The following PTPRN2 variants were observed in gnomAD, a reference collection of about 807,000 sequenced individuals.
The protein encoded by PTPRN2 is protein tyrosine phosphatase receptor type N2.
PTPRN2 carries 74 observed loss-of-function variants against 118.8 expected under a neutral mutation model. That is an observed-to-expected ratio of 0.62 (90% CI 0.52 to 0.76). PTPRN2 has a LOEUF of 0.76. Among genes scored for constraint, PTPRN2 ranks in the 30% least tolerant of loss-of-function variants. The pLI is 0.00. For missense variants in PTPRN2, 1,481 were observed against 1,394.4 expected (o/e 1.06, Z -0.99); for synonymous variants, 641 against 608.0 (o/e 1.05, Z -0.80).
intron 1 of PTPRN2, among the ~76,000 whole-genome samples, chr7:158,561,364 G>C (rs1827374832): frequency 2.6e-5 from 4 of 152,170 alleles, no homozygotes; most frequent in Admixed American, 6.5e-5. Flanking sequence ...CTCTTCGGGG[G>C]TGTGGGGCTC....
intron 2 of PTPRN2, among the ~76,000 whole-genome samples, chr7:158,484,587 T>C (rs1264809497): frequency 1.3e-5 from 2 of 152,202 alleles, no homozygotes; most frequent in African/African-American, 4.8e-5. Context: ...GGCCGTGAAC[T>C]CCTGATCTCA....
chr7:157,884,724 T>C, intron 12 of PTPRN2, among the ~76,000 whole-genome samples: 1 of 152,110 alleles, frequency 6.6e-6, no homozygotes, highest in East Asian at 1.9e-4. Flanking sequence ...AACCATCAGA[T>C]CTCATGAGAC....
rs1022191171 is a variant in PTPRN2, at chr7:157,908,522, G to A, written c.1724-9785C>T. Reference sequence around the variant, plus strand: ...TGCCCACTCTTGCGTTTCTTTGCACGTCGGCTCACAGCTCTAGAAGTACTC... The same window carrying A: ...TGCCCACTCTTGCGTTTCTTTGCACATCGGCTCACAGCTCTAGAAGTACTC... On this transcript the variant is annotated intron_variant, in intron 11 of 22. Coordinates refer to ENST00000389418, the MANE Select transcript of PTPRN2 (RefSeq NM_002847.5). Among the ~76,000 whole-genome samples, 5 of 152,166 alleles carry A rather than the reference G, an allele frequency of 3.3e-5. No homozygotes were observed. The East Asian group carries it at 5.8e-4, about 18-fold the overall frequency.
At chr7:158,132,374 TAC>T (rs1485979446) in intron 9 of PTPRN2, among the ~76,000 whole-genome samples, 1 of 149,692 alleles carries the variant, frequency 6.7e-6, no homozygotes, top group African/African-American at 2.5e-5. Context: ...CATACACTCA[TAC>T]ACACACATGC....
intron 3 of PTPRN2, among the ~76,000 whole-genome samples, chr7:158,226,427 G>C (rs975412397): frequency 4.6e-5 from 7 of 152,206 alleles, no homozygotes; most frequent in Non-Finnish European, 1.0e-4. Flanking sequence ...AGGTTTGTGG[G>C]TGGGGACGAC....
chr7:158,136,995 A>C (rs76053113), intron 7 of PTPRN2, among the ~76,000 whole-genome samples: 1 of 151,818 alleles, frequency 6.6e-6, no homozygotes, highest in African/African-American at 2.4e-5. Flanking sequence ...GCAAAAAAAA[A>C]CCCCATCGTA....
intron 14 of PTPRN2, among the ~76,000 whole-genome samples, chr7:157,650,266 AG>A (rs1238199449): frequency 1.3e-5 from 2 of 152,142 alleles, no homozygotes; most frequent in Non-Finnish European, 1.5e-5. Flanking sequence ...CATCCCCCGC[AG>A]GGGCTCCCCA....
At chr7:158,054,779 AT>A (rs1317590430) in intron 11 of PTPRN2, among the ~76,000 whole-genome samples, 1 of 152,162 alleles carries the variant, frequency 6.6e-6, no homozygotes, top group East Asian at 1.9e-4. Flanking sequence ...GCCTTCCATG[AT>A]TGCAGCTGAT....
chr7:157,716,694 T>C (rs558916454), intron 12 of PTPRN2, among the ~76,000 whole-genome samples: 83 of 23,634 alleles, frequency 3.5e-3, no homozygotes, highest in East Asian at 7.9e-3. Context: ...CACTGCCTGG[T>C]CACACAGACT....
intron 3 of PTPRN2, among the ~76,000 whole-genome samples, chr7:158,233,015 G>A (rs956269385): frequency 6.6e-6 from 1 of 152,100 alleles, no homozygotes; most frequent in Non-Finnish European, 1.5e-5. Context: ...AACATTTGGA[G>A]CAAGACAAGG....
rs1001183172 is a variant in PTPRN2 at position 158,561,322 on chromosome 7, T to G, written c.112+26236A>C. Among the ~76,000 whole-genome samples, 6 of 152,116 alleles carry G rather than the reference T, an allele frequency of 3.9e-5. No homozygotes were observed. The East Asian group carries it at 1.2e-3, about 29-fold the overall frequency. On this transcript the variant is annotated intron_variant, in intron 1 of 22. Coordinates refer to ENST00000389418, the MANE Select transcript of PTPRN2 (RefSeq NM_002847.5). ...TAGAAGTCTCCCCAGGTCTAAGAGA[T>G]AAACCCCTGCCTGAGAAAATCCCCC...
intron 11 of PTPRN2, among the ~76,000 whole-genome samples, chr7:158,011,414 C>T (rs2128868923): frequency 6.6e-6 from 1 of 152,214 alleles, no homozygotes; most frequent in Admixed American, 6.5e-5. Flanking sequence ...AAAAGATGCA[C>T]AGGTGTTTGA....
rs1012622741 is a variant in PTPRN2, at chr7:157,868,592, G to A, written c.1788+30081C>T. 1 of 152,178 alleles carries A rather than the reference G, an allele frequency of 6.6e-6. No individual in the cohort carries two copies. Among genetic ancestry groups the A allele is most frequent in the African/African-American group, 2.4e-5 (1 of 41,436 alleles). 9.4% of individuals were successfully genotyped at this position (152,178 alleles called of 1,614,324 possible). A position where few individuals can be genotyped will look rare whatever the true frequency, so the allele number is the denominator to read the frequency against. ...GAAAGTATGACACATGGAGAAAAAG[G>A]TGCAGCCCATTTCCCAGCCTGAGGA... On this transcript the variant is annotated intron_variant, in intron 12 of 22. Coordinates refer to ENST00000389418, the MANE Select transcript of PTPRN2 (RefSeq NM_002847.5). This position sits in a 1 kb window ranked among gnomAD's most constrained non-coding sequence, Gnocchi z 5.2.
intron 12 of PTPRN2, chr7:157,857,648 G>T (rs12667537): frequency 0.56 from 84,741 of 152,124 alleles, 23,998 homozygotes; most frequent in East Asian, 0.84. Flanking sequence ...ACCAGATCCA[G>T]CTCTGAGGTC....
intron 2 of PTPRN2, among the ~76,000 whole-genome samples, chr7:158,366,640 G>T (rs1200386028): frequency 1.3e-5 from 2 of 152,322 alleles, no homozygotes; most frequent in South Asian, 2.1e-4. Context: ...TACACGGCTG[G>T]AAGGACGTGG....
intron 11 of PTPRN2, among the ~76,000 whole-genome samples, chr7:157,918,396 C>G (rs940920538): frequency 6.6e-6 from 1 of 152,134 alleles, no homozygotes; most frequent in African/African-American, 2.4e-5. Flanking sequence ...AACAGGTAAA[C>G]CATCGAAGGA....
chr7:158,018,924 C>T (rs374228644), intron 11 of PTPRN2, among the ~76,000 whole-genome samples: 1 of 138,186 alleles, frequency 7.2e-6, no homozygotes. Flanking sequence ...CATGCGACTG[C>T]ACTCCAGCCT....
intron 2 of PTPRN2, among the ~76,000 whole-genome samples, chr7:158,356,262 C>T (rs1808375070): frequency 6.6e-6 from 1 of 152,180 alleles, no homozygotes; most frequent in East Asian, 1.9e-4. Flanking sequence ...ACTCATTTCC[C>T]TTTGTCTAAC....
rs758007383 is a variant in PTPRN2, at chr7:157,779,193, C to T, written c.1789-96256G>A. 6.6e-5 allele frequency among the ~76,000 whole-genome samples: 10 copies of T among 152,310 alleles called. No individual in the cohort carries two copies. Among genetic ancestry groups the T allele is most frequent in the South Asian group, 2.1e-4 (1 of 4,822 alleles). On this transcript the variant is annotated intron_variant, in intron 12 of 22. Coordinates refer to ENST00000389418, the MANE Select transcript of PTPRN2 (RefSeq NM_002847.5). This position sits in a 1 kb window ranked among gnomAD's most constrained non-coding sequence, Gnocchi z 4.7. ...AGCGCTACATTGAGGATGCTGGACA[C>T]GGCTTATCTCCTGGAGGAGGGCTGC...
Sources: gnomAD v4.1 joint callset for allele counts (sites outside exome capture counted in the v4.1 genomes callset) on GRCh38, gnomAD v4.1.1 for gene constraint, Gnocchi (gnomAD v3.1) non-coding constraint, MANE v1.5 for transcripts, NCBI Gene and HGNC (gene_info 2026-07-23, HGNC 2026-07-21) for gene names.